The following NFIB variants were observed in gnomAD, a reference collection of about 807,000 sequenced individuals.
The protein encoded by NFIB is nuclear factor I B.
A neutral mutation model predicts 61.5 loss-of-function variants in NFIB; 11 were observed. The ratio of observed to expected loss-of-function variants is 0.18; its 90% CI spans 0.11 to 0.30. The LOEUF is 0.30. Among genes scored for constraint, NFIB ranks in the 10% least tolerant of loss-of-function variants. The pLI is 1.00. For missense variants in NFIB, 471 were observed against 608.9 expected (o/e 0.77, Z 2.38); for synonymous variants, 260 against 216.5 (o/e 1.20, Z -1.76).
chr9:14,435,596 G>A, the NFIB span, among the ~76,000 whole-genome samples: 1 of 152,220 alleles, frequency 6.6e-6, no homozygotes, highest in Non-Finnish European at 1.5e-5. Context: ...CAGTGGAAAT[G>A]TTAGTTACAT....
intron 1 of NFIB, among the ~76,000 whole-genome samples, chr9:14,328,335 G>T (rs1342241420): frequency 6.6e-6 from 1 of 152,080 alleles, no homozygotes; most frequent in Non-Finnish European, 1.5e-5. Context: ...TTGTAGAGAT[G>T]GGATGTAACC....
intron 2 of NFIB, among the ~76,000 whole-genome samples, chr9:14,296,462 C>T (rs536742948): frequency 6.6e-6 from 1 of 152,284 alleles, no homozygotes; most frequent in African/African-American, 2.4e-5. Context: ...TTGGGTCTTC[C>T]CCAAATTCCT....
At chr9:14,104,586 T>C (rs771139005) in intron 10 of NFIB, among the ~76,000 whole-genome samples, 4 of 152,078 alleles carry the variant, frequency 2.6e-5, no homozygotes, top group Non-Finnish European at 5.9e-5. Context: ...TAATTTTTAT[T>C]TGTTTGTTTT....
intron 3 of NFIB, among the ~76,000 whole-genome samples, chr9:14,165,250 T>C (rs543731798): frequency 2.0e-5 from 3 of 152,118 alleles, no homozygotes; most frequent in Non-Finnish European, 2.9e-5. Flanking sequence ...AAGACAAGCT[T>C]CCTCATGAAG....
At chr9:14,299,008 G>A (rs1226178332) in intron 2 of NFIB, among the ~76,000 whole-genome samples, 6 of 152,162 alleles carry the variant, frequency 3.9e-5, no homozygotes, top group Admixed American at 3.9e-4. Flanking sequence ...AACTGCAGAT[G>A]TCAGAATAAT....
the NFIB span, among the ~76,000 whole-genome samples, chr9:14,419,483 C>T: frequency 1.4e-4 from 22 of 152,252 alleles, no homozygotes; most frequent in East Asian, 4.2e-3. Context: ...CACTTAGAAG[C>T]GTCCTGCGTC....
intron 8 of NFIB, among the ~76,000 whole-genome samples, chr9:14,117,996 T>C (rs936010784): frequency 2.1e-4 from 32 of 152,122 alleles, no homozygotes; most frequent in African/African-American, 7.5e-4. Context: ...TGTTTTTCCA[T>C]TTCTAAAGCT....
At chr9:14,318,505 C>CTTTTTTTTTTTTTTTTTTT (rs34481505), upstream of NFIB, among the ~76,000 whole-genome samples, 2 of 66,840 alleles carry the variant, frequency 3.0e-5, no homozygotes, top group Non-Finnish European at 5.2e-5. Flanking sequence ...CACTCGATGC[C>CTTTTTTTTTTTTTTTTTTT]TTTTTTTTTT....
At chr9:14,274,053 G>A (rs2057817402) in intron 2 of NFIB, among the ~76,000 whole-genome samples, 1 of 152,122 alleles carries the variant, frequency 6.6e-6, no homozygotes, top group Non-Finnish European at 1.5e-5. Flanking sequence ...CCACGATACT[G>A]CAAGCCTAAC....
At chr9:14,305,084 A>G (rs555634446) in intron 2 of NFIB, among the ~76,000 whole-genome samples, 152 of 152,360 alleles carry the variant, frequency 1.0e-3, no homozygotes, top group Non-Finnish European at 1.6e-3. Flanking sequence ...AGAGTTGCTT[A>G]AAACTTTATA....
At chr9:14,142,115 G>A (rs1254068770) in intron 6 of NFIB, among the ~76,000 whole-genome samples, 1 of 152,122 alleles carries the variant, frequency 6.6e-6, no homozygotes, top group Non-Finnish European at 1.5e-5. Context: ...TTATTTGTCT[G>A]TTAAATTACT....
At chr9:14,259,953 T>C (rs989574349) in intron 2 of NFIB, among the ~76,000 whole-genome samples, 12 of 152,102 alleles carry the variant, frequency 7.9e-5, no homozygotes, top group African/African-American at 2.9e-4. Flanking sequence ...GAAAAACAGA[T>C]ATTTTAGTTG....
the NFIB span, among the ~76,000 whole-genome samples, chr9:14,446,802 C>T: frequency 2.0e-5 from 3 of 152,096 alleles, no homozygotes; most frequent in South Asian, 6.2e-4. Flanking sequence ...ATAAAAACAA[C>T]TTCTGCGCAT....
At chr9:14,179,430 T>C (rs1394539109) in intron 3 of NFIB, among the ~76,000 whole-genome samples, 2 of 152,196 alleles carry the variant, frequency 1.3e-5, no homozygotes, top group Non-Finnish European at 2.9e-5. Context: ...GTTCATTGGC[T>C]TTTCAAACAG....
chr9:14,194,857 T>G (rs10756538), intron 2 of NFIB, among the ~76,000 whole-genome samples: 141,053 of 152,130 alleles, frequency 0.93, 66,318 homozygotes, highest in Non-Finnish European at 1. Context: ...ACTTACCAAT[T>G]TCACAGAAGA....
At chr9:14,492,391 T>C in the NFIB span, among the ~76,000 whole-genome samples, 1 of 151,192 alleles carries the variant, frequency 6.6e-6, no homozygotes, top group Non-Finnish European at 1.5e-5. Flanking sequence ...AATAAATAAA[T>C]ATTTAAAAAA....
At chr9:14,281,225 G>T (rs2058351611) in intron 2 of NFIB, among the ~76,000 whole-genome samples, 1 of 152,134 alleles carries the variant, frequency 6.6e-6, no homozygotes, top group Non-Finnish European at 1.5e-5. Flanking sequence ...AACATATAAT[G>T]CAAATAATAG....
At position 14,305,730 on chromosome 9, in the gene NFIB, C is replaced by CA. The variant is rs146086548; in HGVS notation, c.562+1258dup. 458 of 236,998 alleles carry CA rather than the reference C, an allele frequency of 1.9e-3. 2 individuals carry two copies. The highest frequency in any genetic ancestry group is 9.7e-3 in the African/African-American group (433 of 44,850). The allele number at this position is 236,998 out of a possible 1,614,324, so 14.7% of individuals were successfully genotyped here. Reference sequence around the variant, plus strand: ...AAGCACATAGTGAGGGCCTAGAATTCAGAGTCAAAAAAGTAATTTTGATTT... The same window carrying CA: ...AAGCACATAGTGAGGGCCTAGAATTCAAGAGTCAAAAAAGTAATTTTGATTT... On this transcript the variant is annotated intron_variant, in intron 2 of 10. Transcript: ENST00000380953.
chr9:14,120,751 A>G lies in NFIB; in HGVS notation c.1061-127T>C. On this transcript the variant is annotated intron_variant, in intron 7 of 10. Coordinates refer to ENST00000380953, the MANE Select transcript of NFIB (RefSeq NM_001190737.2). The surrounding 1 kb of genome is among the most constrained non-coding windows in gnomAD (Gnocchi z 4.4). ...TCATTTTTGTCCCCATGATTTAACCAAGCTCTCCTAAATCAACAGTTACTT... is the reference window on the plus strand; with the variant it reads ...TCATTTTTGTCCCCATGATTTAACCGAGCTCTCCTAAATCAACAGTTACTT... 1.1e-6 allele frequency: 1 copy of G among 899,388 alleles called. No individual in the cohort carries two copies. Among genetic ancestry groups the G allele is most frequent in the Non-Finnish European group, 1.6e-6 (1 of 607,110 alleles). 55.7% of individuals were successfully genotyped at this position (899,388 alleles called of 1,614,324 possible).
Sources: gnomAD v4.1 joint callset for allele counts (sites outside exome capture counted in the v4.1 genomes callset) on GRCh38, gnomAD v4.1.1 for gene constraint, Gnocchi (gnomAD v3.1) non-coding constraint, MANE v1.5 for transcripts, NCBI Gene and HGNC (gene_info 2026-07-23, HGNC 2026-07-21) for gene names.